NEGR1: variants seen among roughly 807,000 people sequenced by gnomAD.
The protein encoded by NEGR1 is neuronal growth regulator 1, also known as IgLON family member 4.
Under a neutral mutation model 40.9 loss-of-function variants are expected in NEGR1, and 10 were observed. The ratio of observed to expected loss-of-function variants is 0.24; its 90% CI spans 0.15 to 0.42. NEGR1 has a LOEUF of 0.42. NEGR1 is among the 10% of genes least tolerant of loss of function. NEGR1 has a pLI of 1.00. For synonymous variants in NEGR1, 185 were observed against 166.8 expected, an observed-to-expected ratio of 1.11 and a Z score of -0.84; for missense variants, 352 against 438.9, an observed-to-expected ratio of 0.80 and a Z score of 1.77.
intron 6 of NEGR1, among the ~76,000 whole-genome samples, chr1:71,530,656 T>G (rs1269422689): frequency 2.6e-5 from 4 of 151,398 alleles, no homozygotes; most frequent in Non-Finnish European, 5.9e-5. Context: ...TTTTAAAGAC[T>G]GTGGTGCTAA....
At chr1:71,923,317 T>C (rs904829455) in intron 2 of NEGR1, among the ~76,000 whole-genome samples, 3 of 151,970 alleles carry the variant, frequency 2.0e-5, no homozygotes, top group Middle Eastern at 3.2e-3. Flanking sequence ...CTAGTGTCCA[T>C]ATGTTGAGGC....
intron 6 of NEGR1, among the ~76,000 whole-genome samples, chr1:71,436,300 TATC>T (rs1646509482): frequency 6.6e-6 from 1 of 151,462 alleles, no homozygotes; most frequent in African/African-American, 2.4e-5. Flanking sequence ...AACTAATAGA[TATC>T]ATACCAGAAG....
intron 1 of NEGR1, among the ~76,000 whole-genome samples, chr1:72,118,772 T>C (rs369222794): frequency 1.8e-4 from 27 of 152,030 alleles, no homozygotes; most frequent in African/African-American, 6.3e-4. Flanking sequence ...AATGTATTTA[T>C]GTGTATATAA....
chr1:71,416,258 A>G (rs1646354638), intron 6 of NEGR1, among the ~76,000 whole-genome samples: 1 of 152,080 alleles, frequency 6.6e-6, no homozygotes, highest in Non-Finnish European at 1.5e-5. Flanking sequence ...TTAAGCTTTT[A>G]TGTAGGGTGT....
chr1:71,970,551 G>A (rs1180244765), intron 1 of NEGR1, among the ~76,000 whole-genome samples: 1 of 151,984 alleles, frequency 6.6e-6, no homozygotes, highest in Non-Finnish European at 1.5e-5. Context: ...AATTAGCCAG[G>A]CATGGTAGTG....
At chr1:71,499,175 T>G (rs1646983728) in intron 6 of NEGR1, among the ~76,000 whole-genome samples, 1 of 152,142 alleles carries the variant, frequency 6.6e-6, no homozygotes. Flanking sequence ...AATGGTCTTC[T>G]AAAAATCAGG....
Position 71,857,909 on chromosome 1 carries a change from T to G in NEGR1, c.409+77170A>C, listed in dbSNP as rs1659834184. On this transcript the variant is annotated intron_variant, in intron 2 of 6. Coordinates refer to ENST00000357731, the MANE Select transcript of NEGR1 (RefSeq NM_173808.3). The stretch of plus-strand genomic sequence containing the variant: ...TTGAAAGACTTGCTATAGAAAGCCT[T>G]TCTTCTTTCCTTTTTGCAAAGCTAA... 1.3e-5 allele frequency among the ~76,000 whole-genome samples: 2 copies of G among 152,090 alleles called. 1 individual carries two copies. Among genetic ancestry groups the G allele is most frequent in the African/African-American group, 4.8e-5 (2 of 41,426 alleles).
intron 6 of NEGR1, among the ~76,000 whole-genome samples, chr1:71,551,984 C>CGTATATAT (rs1405049760): frequency 6.6e-6 from 1 of 151,408 alleles, no homozygotes; most frequent in East Asian, 2.0e-4. Flanking sequence ...TATATATTGA[C>CGTATATAT]AAAGACTCTT....
intron 1 of NEGR1, among the ~76,000 whole-genome samples, chr1:72,089,872 C>T (rs1648394057): frequency 6.6e-6 from 1 of 152,058 alleles, no homozygotes; most frequent in South Asian, 2.1e-4. Flanking sequence ...TACTGAGTCA[C>T]ACCTCACTTC....
chr1:72,237,026 G>T (rs1654570994), intron 1 of NEGR1, among the ~76,000 whole-genome samples: 1 of 151,774 alleles, frequency 6.6e-6, no homozygotes, highest in Non-Finnish European at 1.5e-5. Flanking sequence ...AAAAATGTCT[G>T]CCTTAATTAT....
chr1:71,776,710 C>G (rs934314340), intron 2 of NEGR1, among the ~76,000 whole-genome samples: 2 of 152,030 alleles, frequency 1.3e-5, no homozygotes, highest in African/African-American at 4.8e-5. Context: ...AATGGTTATT[C>G]CTACATACTG....
At chr1:71,912,219 C>G (rs1661438311) in intron 2 of NEGR1, among the ~76,000 whole-genome samples, 1 of 152,106 alleles carries the variant, frequency 6.6e-6, no homozygotes, top group African/African-American at 2.4e-5. Context: ...AGAGAATGCA[C>G]TTTCTTGTCT....
intron 3 of NEGR1, among the ~76,000 whole-genome samples, chr1:71,719,299 G>T (rs761858989): frequency 3.3e-5 from 5 of 152,086 alleles, no homozygotes; most frequent in Non-Finnish European, 7.4e-5. Flanking sequence ...CATAACAAAT[G>T]TTCATTTCAT....
chr1:71,966,860 C>T (rs1269491740), intron 1 of NEGR1, among the ~76,000 whole-genome samples: 1 of 152,064 alleles, frequency 6.6e-6, no homozygotes, highest in Non-Finnish European at 1.5e-5. Context: ...GTTTGAGACT[C>T]TAGAAAAGTG....
chr1:71,457,417 C>G (rs1459073659), intron 6 of NEGR1, among the ~76,000 whole-genome samples: 5 of 152,216 alleles, frequency 3.3e-5, no homozygotes, highest in Non-Finnish European at 7.3e-5. Flanking sequence ...AAAGATAGAT[C>G]TGCCCATGAC....
intron 4 of NEGR1, among the ~76,000 whole-genome samples, chr1:71,648,994 TTCTC>T: frequency 6.6e-6 from 1 of 152,120 alleles, no homozygotes; most frequent in East Asian, 1.9e-4. Context: ...TTCCCTGATC[TTCTC>T]AGTTGAAATT....
At chr1:72,211,765 A>AT (rs144686829) in intron 1 of NEGR1, among the ~76,000 whole-genome samples, 2 of 151,036 alleles carry the variant, frequency 1.3e-5, no homozygotes, top group Non-Finnish European at 3.0e-5. Context: ...GATGTTCTAA[A>AT]TTTTTTTTTA....
At chr1:71,636,653 G>A (rs541864783) in intron 4 of NEGR1, among the ~76,000 whole-genome samples, 1 of 152,056 alleles carries the variant, frequency 6.6e-6, no homozygotes, top group East Asian at 1.9e-4. Flanking sequence ...AGACATTCAG[G>A]GTATATTTGT....
chr1:71,439,007 C>A (rs529778128), intron 6 of NEGR1, among the ~76,000 whole-genome samples: 3 of 152,252 alleles, frequency 2.0e-5, no homozygotes, highest in South Asian at 4.2e-4. Flanking sequence ...AATAACTGTT[C>A]ACTATTCCCA....
Sources: gnomAD v4.1 joint callset for allele counts (sites outside exome capture counted in the v4.1 genomes callset) on GRCh38, gnomAD v4.1.1 for gene constraint, MANE v1.5 for transcripts, NCBI Gene and HGNC (gene_info 2026-07-23, HGNC 2026-07-21) for gene names.